Variants in PDE7B observed in about 807,000 individuals in gnomAD.
The protein encoded by PDE7B is 3',5'-cyclic-AMP phosphodiesterase 7B.
A neutral mutation model predicts 56.2 loss-of-function variants in PDE7B; 29 were observed. The observed-to-expected ratio is 0.52, with a 90% CI of 0.38 to 0.70. The LOEUF is 0.70. Among genes scored for constraint, PDE7B ranks in the 30% least tolerant of loss-of-function variants. PDE7B has a pLI of 0.00. For synonymous variants in PDE7B, 197 were observed against 196.9 expected (o/e 1.00, Z 0.00); for missense variants, 490 against 565.0 (o/e 0.87, Z 1.35).
At chr6:136,151,106 T>C (rs1372249234) in intron 5 of PDE7B, 54 bp from the exon 6 acceptor site, 13 of 890,432 alleles carry the variant, frequency 1.5e-5, no homozygotes, top group Non-Finnish European at 2.4e-5. Context: ...TTGTCAATCT[T>C]GATATTTTAG....
chr6:136,132,126 C>G (rs1778129000), intron 3 of PDE7B, among the ~76,000 whole-genome samples: 1 of 152,086 alleles, frequency 6.6e-6, no homozygotes, highest in African/African-American at 2.4e-5. Context: ...CAATGTTGTA[C>G]AGCCGACCTC....
intron 3 of PDE7B, among the ~76,000 whole-genome samples, chr6:136,125,239 G>A (rs901578231): frequency 3.3e-5 from 5 of 152,026 alleles, no homozygotes; most frequent in South Asian, 2.1e-4. Context: ...TAATTAGCAC[G>A]TCAAATCTGT....
chr6:136,178,357 C>T (rs1041377863), intron 9 of PDE7B, among the ~76,000 whole-genome samples: 1 of 151,720 alleles, frequency 6.6e-6, no homozygotes, highest in Admixed American at 6.6e-5. Context: ...ATGGATTGTT[C>T]CTTTATTACT....
chr6:136,156,223 T>C (rs1015527446), intron 8 of PDE7B: 1 of 308,272 alleles, frequency 3.2e-6, no homozygotes, highest in African/African-American at 2.3e-5. Flanking sequence ...AGGGTCTTGC[T>C]TTCTCACCCA....
intron 2 of PDE7B, among the ~76,000 whole-genome samples, chr6:136,104,220 G>A (rs1777609688): frequency 6.6e-6 from 1 of 152,118 alleles, no homozygotes; most frequent in African/African-American, 2.4e-5. Flanking sequence ...TGCCCCTGCT[G>A]TTTGTTTCCT....
intron 1 of PDE7B, among the ~76,000 whole-genome samples, chr6:135,937,799 G>A (rs1234040141): frequency 6.6e-6 from 1 of 152,128 alleles, no homozygotes; most frequent in East Asian, 1.9e-4. Context: ...GCTAACCTCT[G>A]AAGGACCAGG....
intron 1 of PDE7B, among the ~76,000 whole-genome samples, chr6:135,875,229 A>T (rs1775469324): frequency 6.6e-6 from 1 of 151,978 alleles, no homozygotes; most frequent in Admixed American, 6.6e-5. Context: ...TTATTTATTT[A>T]TTCACATCTA....
At chr6:136,082,540 C>CA (rs1035689607) in intron 2 of PDE7B, among the ~76,000 whole-genome samples, 2 of 152,232 alleles carry the variant, frequency 1.3e-5, no homozygotes, top group African/African-American at 2.4e-5. Flanking sequence ...GCCTGGACCA[C>CA]AAAAAAGATA....
At chr6:136,029,424 G>A (rs1776202907) in intron 2 of PDE7B, among the ~76,000 whole-genome samples, 1 of 152,176 alleles carries the variant, frequency 6.6e-6, no homozygotes, top group South Asian at 2.1e-4. Context: ...GTGAACATAT[G>A]CAAGTCAAAG....
intron 2 of PDE7B, among the ~76,000 whole-genome samples, chr6:135,994,116 CTGTGTGTGTG>C (rs3220309): frequency 0.026 from 3,592 of 138,644 alleles, 47 homozygotes; most frequent in East Asian, 0.048. Context: ...TGTATTGGAT[CTGTGTGTGTG>C]TGTGTGTGTG....
intron 3 of PDE7B, among the ~76,000 whole-genome samples, chr6:136,140,047 T>C (rs1778292177): frequency 6.6e-6 from 1 of 152,242 alleles, no homozygotes; most frequent in African/African-American, 2.4e-5. Context: ...TTCTTGCCCA[T>C]GCCTATGTCC....
chr6:136,118,363 A>G (rs182925649), intron 3 of PDE7B, among the ~76,000 whole-genome samples: 2 of 152,334 alleles, frequency 1.3e-5, no homozygotes, highest in East Asian at 1.9e-4. Context: ...AGCCCAGGAT[A>G]TTTTCAAAAC....
In PDE7B at chr6:136,192,881, T is replaced by C. The variant is rs1779252846; in HGVS notation, c.*1041T>C. 1.3e-5 allele frequency: 2 copies of C among 152,326 alleles called. No homozygotes were observed. The highest frequency in any genetic ancestry group is 1.3e-4 in the Admixed American group (2 of 15,288). 9.4% of individuals were successfully genotyped at this position (152,326 alleles called of 1,614,324 possible). A position where few individuals can be genotyped will look rare whatever the true frequency, so the allele number is the denominator to read the frequency against. ...GATGTCTTTCTCAACTGCCTTCCCATGTTCATCTGTATGTTTTCCAGCTAA... is the reference window on the plus strand; with the variant it reads ...GATGTCTTTCTCAACTGCCTTCCCACGTTCATCTGTATGTTTTCCAGCTAA... On this transcript the variant is annotated 3_prime_UTR_variant, in exon 13 of 13. Coordinates refer to ENST00000308191, the MANE Select transcript of PDE7B (RefSeq NM_018945.4).
chr6:136,094,060 A>C (rs1029370581), intron 2 of PDE7B: 1 of 154,098 alleles, frequency 6.5e-6, no homozygotes, highest in Non-Finnish European at 1.4e-5. Context: ...GTCCAAGATC[A>C]AGGTGCCAAC....
chr6:136,103,817 A>T (rs538013774), intron 2 of PDE7B, among the ~76,000 whole-genome samples: 42 of 152,164 alleles, frequency 2.8e-4, no homozygotes, highest in Non-Finnish European at 4.9e-4. Flanking sequence ...TCTGTCCCTG[A>T]CACCTTTTCC....
intron 2 of PDE7B, among the ~76,000 whole-genome samples, chr6:136,000,475 C>T (rs1379393761): frequency 6.6e-6 from 1 of 152,184 alleles, no homozygotes; most frequent in Non-Finnish European, 1.5e-5. Context: ...CATGGCTAGC[C>T]AGCTATCCCA....
intron 2 of PDE7B, among the ~76,000 whole-genome samples, chr6:136,084,489 A>G (rs769100501): frequency 4.6e-5 from 7 of 152,230 alleles, no homozygotes; most frequent in Non-Finnish European, 1.0e-4. Flanking sequence ...GCCCAGTAGC[A>G]GTAAAAATAG....
chr6:136,016,730 C>T (rs1447200607), intron 2 of PDE7B, among the ~76,000 whole-genome samples: 1 of 151,724 alleles, frequency 6.6e-6, no homozygotes, highest in Non-Finnish European at 1.5e-5. Context: ...CAACCACCTG[C>T]AACAGAACTG....
intron 3 of PDE7B, among the ~76,000 whole-genome samples, chr6:136,113,119 A>G (rs973292643): frequency 2.6e-5 from 4 of 152,238 alleles, no homozygotes; most frequent in Admixed American, 6.5e-5. Context: ...TAACAAACGT[A>G]TATTTGAAAA....
Sources: gnomAD v4.1 joint callset for allele counts (sites outside exome capture counted in the v4.1 genomes callset) on GRCh38, gnomAD v4.1.1 for gene constraint, MANE v1.5 for transcripts, NCBI Gene and HGNC (gene_info 2026-07-23, HGNC 2026-07-21) for gene names.